GALNT13: variants seen among roughly 807,000 people sequenced by gnomAD.
GALNT13 encodes polypeptide N-acetylgalactosaminyltransferase 13.
GALNT13 carries 28 observed loss-of-function variants against 64.2 expected under a neutral mutation model. The observed-to-expected ratio is 0.44, with a 90% confidence interval of 0.32 to 0.60. The LOEUF (loss-of-function observed/expected upper bound fraction) is 0.60. Among genes scored for constraint, GALNT13 ranks in the 20% least tolerant of loss-of-function variants. The pLI is 0.05. For synonymous variants in GALNT13, 214 were observed against 224.6 expected, an observed-to-expected ratio of 0.95 and a Z score of 0.42; for missense variants, 577 against 669.8, an observed-to-expected ratio of 0.86 and a Z score of 1.53.
chr2:153,767,386 A>G, the GALNT13 span, among the ~76,000 whole-genome samples: 9 of 152,106 alleles, frequency 5.9e-5, no homozygotes, highest in Admixed American at 2.0e-4. Flanking sequence ...TGACTTCACT[A>G]TTGTAAGTTG....
intron 3 of GALNT13, among the ~76,000 whole-genome samples, chr2:154,127,660 A>G (rs1682364215): frequency 2.7e-5 from 4 of 149,448 alleles, no homozygotes; most frequent in Admixed American, 1.3e-4. Context: ...AGATATGGAT[A>G]TATATGGTCA....
At chr2:154,020,450 G>A (rs1697367657) in intron 3 of GALNT13, among the ~76,000 whole-genome samples, 2 of 152,196 alleles carry the variant, frequency 1.3e-5, no homozygotes, top group Non-Finnish European at 2.9e-5. Flanking sequence ...CTGATGGCCA[G>A]TGATGATGAG....
chr2:153,554,515 G>A, the GALNT13 span, among the ~76,000 whole-genome samples: 1 of 152,118 alleles, frequency 6.6e-6, no homozygotes, highest in Non-Finnish European at 1.5e-5. Context: ...TTTTTCTGAT[G>A]AATTTTTTCA....
chr2:154,439,168 T>G (rs931772976), intron 12 of GALNT13, among the ~76,000 whole-genome samples: 2 of 152,206 alleles, frequency 1.3e-5, no homozygotes, highest in African/African-American at 2.4e-5. Flanking sequence ...CAAGATTTCT[T>G]TACTGTTTAC....
the GALNT13 span, among the ~76,000 whole-genome samples, chr2:153,572,091 G>T: frequency 1.3e-5 from 2 of 151,664 alleles, no homozygotes; most frequent in Non-Finnish European, 3.0e-5. Context: ...TTTCTTTACT[G>T]GGAGACTTTG....
intron 4 of GALNT13, among the ~76,000 whole-genome samples, chr2:154,187,201 A>G (rs1686299489): frequency 6.6e-6 from 1 of 152,068 alleles, no homozygotes; most frequent in African/African-American, 2.4e-5. Context: ...GCTTTTTGTC[A>G]AACATATCTG....
chr2:153,969,917 A>G (rs1693629137), intron 3 of GALNT13, among the ~76,000 whole-genome samples: 1 of 152,116 alleles, frequency 6.6e-6, no homozygotes, highest in African/African-American at 2.4e-5. Flanking sequence ...GAAAAGATGG[A>G]TTGCTGAAGG....
At chr2:154,012,193 G>A (rs1007825826) in intron 3 of GALNT13, among the ~76,000 whole-genome samples, 19 of 152,082 alleles carry the variant, frequency 1.2e-4, no homozygotes, top group African/African-American at 4.3e-4. Flanking sequence ...GTGTTTTTGT[G>A]GTAGCCAGTA....
chr2:153,172,461 AT>A, the GALNT13 span, among the ~76,000 whole-genome samples: 1 of 152,212 alleles, frequency 6.6e-6, no homozygotes, highest in Admixed American at 6.5e-5. Flanking sequence ...ACTACTTAGG[AT>A]TCACTGCCAA....
the GALNT13 span, among the ~76,000 whole-genome samples, chr2:153,459,139 T>A: frequency 4.6e-5 from 7 of 152,120 alleles, no homozygotes; most frequent in Non-Finnish European, 8.8e-5. Flanking sequence ...GTGAGAGGAA[T>A]AACTTCTCTA....
chr2:153,884,153 CAA>C (rs1686974353), intron 1 of GALNT13, among the ~76,000 whole-genome samples: 4 of 151,760 alleles, frequency 2.6e-5, no homozygotes. Context: ...AGATAACCAA[CAA>C]GAGGAATAAT....
At chr2:154,402,538 C>A (rs2105376074) in intron 10 of GALNT13, among the ~76,000 whole-genome samples, 1 of 152,298 alleles carries the variant, frequency 6.6e-6, no homozygotes, top group East Asian at 1.9e-4. Flanking sequence ...AAAGTTAAAA[C>A]TATCTTGGCC....
the GALNT13 span, among the ~76,000 whole-genome samples, chr2:153,540,261 C>A: frequency 6.6e-6 from 1 of 152,176 alleles, no homozygotes; most frequent in Non-Finnish European, 1.5e-5. Flanking sequence ...GGTACAAGTC[C>A]CAAGCCTTGG....
intron 11 of GALNT13, among the ~76,000 whole-genome samples, chr2:154,409,595 A>G (rs924289537): frequency 2.0e-5 from 3 of 151,982 alleles, no homozygotes; most frequent in African/African-American, 7.2e-5. Flanking sequence ...GCTCTTCTTA[A>G]GCATTGGAAA....
intron 4 of GALNT13, among the ~76,000 whole-genome samples, chr2:154,216,295 A>C (rs1262918042): frequency 6.6e-6 from 1 of 152,134 alleles, no homozygotes; most frequent in Non-Finnish European, 1.5e-5. Context: ...CTTTGTCCTT[A>C]CAAACTAAAA....
At chr2:153,412,172 GA>G in the GALNT13 span, among the ~76,000 whole-genome samples, 500 of 152,150 alleles carry the variant, frequency 3.3e-3, 1 homozygote, top group African/African-American at 0.011. Context: ...CCTATTGTGA[GA>G]CCTATATCTA....
At chr2:154,041,676 T>C (rs1698985928) in intron 3 of GALNT13, among the ~76,000 whole-genome samples, 1 of 140,922 alleles carries the variant, frequency 7.1e-6, no homozygotes. Flanking sequence ...AGAATTTATA[T>C]AGATACCATA....
the GALNT13 span, among the ~76,000 whole-genome samples, chr2:153,538,661 G>A: frequency 7.4e-5 from 3 of 40,610 alleles, no homozygotes; most frequent in Non-Finnish European, 1.3e-4. Flanking sequence ...TTGTTCTTGC[G>A]ATAGTTTACT....
At chr2:153,561,255 T>C in the GALNT13 span, among the ~76,000 whole-genome samples, 4 of 151,930 alleles carry the variant, frequency 2.6e-5, no homozygotes, top group Non-Finnish European at 4.4e-5. Context: ...TATATATATA[T>C]GAATATGACA....
Sources: gnomAD v4.1 joint callset for allele counts (sites outside exome capture counted in the v4.1 genomes callset) on GRCh38, gnomAD v4.1.1 for gene constraint, MANE v1.5 for transcripts, NCBI Gene and HGNC (gene_info 2026-07-23, HGNC 2026-07-21) for gene names.